GRHL2: variants seen among roughly 807,000 people sequenced by gnomAD.
GRHL2 encodes the protein grainyhead like transcription factor 2.
Under a neutral mutation model 83.8 loss-of-function variants are expected in GRHL2, and 21 were observed. That is an observed-to-expected ratio of 0.25 (90% CI 0.18 to 0.36). GRHL2 has a LOEUF of 0.36. GRHL2 is among the 10% of genes least tolerant of loss of function. GRHL2 has a pLI of 1.00. For synonymous variants in GRHL2, 280 were observed against 278.9 expected (o/e 1.00, Z -0.04); for missense variants, 623 against 781.8 (o/e 0.80, Z 2.42).
chr8:101,662,441 G>GAATC (rs1813941576), intron 14 of GRHL2, among the ~76,000 whole-genome samples: 1 of 152,194 alleles, frequency 6.6e-6, no homozygotes, highest in East Asian at 1.9e-4. Context: ...GGAAGGGTGG[G>GAATC]AATCTGTGAG....
chr8:101,667,707 C>T lies in GRHL2; in HGVS notation c.*1004C>T, dbSNP rs1814104964. On this transcript the variant is annotated 3_prime_UTR_variant, in exon 16 of 16. Transcript: ENST00000646743. ...TGGGAAAGGTCATTCTGTCTGAGAC[C>T]CCAGCTCCTTCTCCAGCTTTGGCTG... The T allele has an allele frequency of 6.6e-6, 1 of 152,610 alleles. No homozygotes were observed. The highest frequency in any genetic ancestry group is 1.9e-4 in the East Asian group (1 of 5,196). The allele number at this position is 152,610 out of a possible 1,614,324, so 9.5% of individuals were successfully genotyped here.
In GRHL2 at chr8:101,599,163, T is replaced by G. The variant is rs1161836326; in HGVS notation, c.1098+12T>G. 1 of 1,550,748 alleles carries G rather than the reference T, an allele frequency of 6.4e-7. No homozygotes were observed. The highest frequency in any genetic ancestry group is 1.1e-5 in the South Asian group (1 of 89,764). On this transcript the variant is annotated intron_variant, in intron 8 of 15. Coordinates refer to ENST00000646743, the MANE Select transcript of GRHL2 (RefSeq NM_024915.4). ...ATGAAGAGGCGAAGGTGAGTGACAT[T>G]GATTCATTGTTTATACCTCTTAATA... is the stretch of plus-strand genomic sequence containing the variant.
chr8:101,580,468 C>G (rs767880339), intron 7 of GRHL2, among the ~76,000 whole-genome samples: 2 of 152,204 alleles, frequency 1.3e-5, no homozygotes, highest in Admixed American at 1.3e-4. Context: ...CCCCGTCACT[C>G]TTCCCAGCCA....
Position 101,573,736 on chromosome 8 carries a change from C to A in GRHL2, c.803C>A (p.Thr268Asn). The A allele has an allele frequency of 6.2e-7, 1 of 1,614,160 alleles. No individual in the cohort carries two copies. The highest frequency in any genetic ancestry group is 8.5e-7 in the Non-Finnish European group (1 of 1,180,030). Reference protein sequence around the residue: ...LRQKQGEGPMTYLNKGQFYAI... With the variant: ...LRQKQGEGPMNYLNKGQFYAI... ...CAGAAGCAGGGGGAGGGCCCCATGA[C>A]CTACCTCAACAAAGGACAGTTCTAT... The change falls in exon 6 of 16, where the codon ACC becomes AAC. Residue 268 changes from threonine (T) to asparagine (N), a missense_variant. Physicochemically the swap from Thr to Asn is moderately conservative, Grantham distance 65 (BLOSUM62 0). This residue lies in a region of GRHL2 where 96 missense variants were observed against 144.8 expected (regional missense o/e 0.66). Transcript: ENST00000646743.
At chr8:101,511,473 G>A (rs1810463677) in intron 1 of GRHL2, among the ~76,000 whole-genome samples, 1 of 152,130 alleles carries the variant, frequency 6.6e-6, no homozygotes, top group African/African-American at 2.4e-5. Context: ...TCAGGCTCTC[G>A]AGTAGCTGGG....
chr8:101,633,346 A>G (rs1813225271), intron 11 of GRHL2, among the ~76,000 whole-genome samples: 1 of 152,232 alleles, frequency 6.6e-6, no homozygotes, highest in Admixed American at 6.5e-5. Context: ...CTTTGAGGAA[A>G]CATCTGTTTT....
chr8:101,570,924 C>T (rs1411964903), intron 5 of GRHL2, among the ~76,000 whole-genome samples: 3 of 152,216 alleles, frequency 2.0e-5, no homozygotes, highest in African/African-American at 7.2e-5. Flanking sequence ...TGAGCTATTG[C>T]AATACATTGG....
At chr8:101,615,172 G>A (rs1012071551) in intron 8 of GRHL2, among the ~76,000 whole-genome samples, 2 of 152,158 alleles carry the variant, frequency 1.3e-5, no homozygotes, top group Non-Finnish European at 2.9e-5. Context: ...TGGGTGGTTG[G>A]TTTTTATAAC....
rs531747667 is a variant in GRHL2, at chr8:101,621,313, T to C, written c.1257+1616T>C. On this transcript the variant is annotated intron_variant, in intron 9 of 15. Coordinates refer to ENST00000646743, the MANE Select transcript of GRHL2 (RefSeq NM_024915.4). ...ACATTTCAAAATAAGCTAAATGAAA[T>C]TAAGGAAATAATGGAAGTTATGAAG... Among the ~76,000 whole-genome samples, 5 of 151,564 alleles carry C rather than the reference T, an allele frequency of 3.3e-5. No individual in the cohort carries two copies. The East Asian group carries it at 9.7e-4, about 29-fold the overall frequency.
At chr8:101,540,687 C>G (rs1318654653) in intron 1 of GRHL2, among the ~76,000 whole-genome samples, 1 of 152,204 alleles carries the variant, frequency 6.6e-6, no homozygotes, top group Non-Finnish European at 1.5e-5. Flanking sequence ...ACACACTTTT[C>G]ATTGTGAGTT....
At chr8:101,587,742 CAA>C (rs368599802) in intron 7 of GRHL2, among the ~76,000 whole-genome samples, 1 of 151,080 alleles carries the variant, frequency 6.6e-6, no homozygotes, top group African/African-American at 2.4e-5. Context: ...TAAAAATGAC[CAA>C]AAAAAAACCT....
downstream of GRHL2, among the ~76,000 whole-genome samples, chr8:101,670,029 A>T (rs572783409): frequency 6.6e-6 from 1 of 151,400 alleles, no homozygotes; most frequent in Admixed American, 6.6e-5. Context: ...GCCCATCCTC[A>T]CTCCCAGGCC....
At chr8:101,495,852 A>C (rs1464740484) in intron 1 of GRHL2, among the ~76,000 whole-genome samples, 1 of 152,200 alleles carries the variant, frequency 6.6e-6, no homozygotes, top group Non-Finnish European at 1.5e-5. Context: ...AATGTTTTTA[A>C]AAATACAATA....
intron 1 of GRHL2, among the ~76,000 whole-genome samples, chr8:101,533,514 C>T (rs1422937509): frequency 1.3e-5 from 2 of 152,124 alleles, no homozygotes; most frequent in African/African-American, 2.4e-5. Context: ...CCCTGTGGAA[C>T]TTAGGTTCTA....
intron 14 of GRHL2, among the ~76,000 whole-genome samples, chr8:101,662,826 T>A (rs1259636235): frequency 3.3e-5 from 5 of 151,786 alleles, no homozygotes; most frequent in African/African-American, 1.2e-4. Context: ...TGCTAATATG[T>A]TGGTGGGTCC....
At chr8:101,511,096 G>A (rs557239001) in intron 1 of GRHL2, among the ~76,000 whole-genome samples, 7 of 141,072 alleles carry the variant, frequency 5.0e-5, no homozygotes, top group Admixed American at 1.4e-4. Flanking sequence ...ACAAGACTCC[G>A]TCTCAAAAAA....
downstream of GRHL2, among the ~76,000 whole-genome samples, chr8:101,671,618 C>G (rs1284136798): frequency 6.6e-6 from 1 of 152,178 alleles, no homozygotes; most frequent in East Asian, 1.9e-4. Flanking sequence ...GGGCAGGGCA[C>G]AGACAAACAA....
chr8:101,665,166 T>A (rs916820824), intron 15 of GRHL2, among the ~76,000 whole-genome samples: 5 of 152,108 alleles, frequency 3.3e-5, no homozygotes, highest in African/African-American at 1.2e-4. Flanking sequence ...TCATGTTCAG[T>A]AGGTAGAGGA....
rs952374627 is a variant in GRHL2, at chr8:101,506,851, G to A, written c.20+14062G>A. On this transcript the variant is annotated intron_variant, in intron 1 of 15. Coordinates refer to ENST00000646743, the MANE Select transcript of GRHL2 (RefSeq NM_024915.4). ...TTTGCAAGGCAAAAAAAAAAAAATT[G>A]CAATTTGATAGTTAAAGAGATTAAA... Among the ~76,000 whole-genome samples, 9 of 138,150 alleles carry A rather than the reference G, an allele frequency of 6.5e-5. No individual in the cohort carries two copies. The East Asian group carries it at 1.7e-3, about 26-fold the overall frequency. The allele number at this position is 138,150 out of a possible 152,430, so 90.6% of individuals were successfully genotyped here.
Sources: allele counts gnomAD v4.1 joint callset (sites outside exome capture counted in the v4.1 genomes callset), GRCh38; gene constraint gnomAD v4.1.1; regional missense constraint gnomAD v4.1.1; transcripts MANE v1.5; gene names NCBI Gene and HGNC (gene_info 2026-07-23, HGNC 2026-07-21).